The following ARID2 variants were observed in gnomAD, a reference collection of about 807,000 sequenced individuals.
ARID2 encodes AT-rich interaction domain 2.
In ARID2, 32 loss-of-function variants were observed where a neutral mutation model predicts 184.6. That is an observed-to-expected ratio of 0.17 (90% CI 0.13 to 0.23). The LOEUF (loss-of-function observed/expected upper bound fraction) is 0.23. ARID2 is among the 10% of genes least tolerant of loss of function. The pLI is 1.00. For synonymous variants in ARID2, 836 were observed against 772.6 expected (o/e 1.08, Z -1.36); for missense variants, 1,696 against 2,197.6 (o/e 0.77, Z 4.56).
At position 45,836,588 on chromosome 12, in the gene ARID2, G is replaced by A; in HGVS notation, c.706-1G>A. 6.2e-7 allele frequency: 1 copy of A among 1,606,570 alleles called. No homozygotes were observed. The highest frequency in any genetic ancestry group is 8.5e-7 in the Non-Finnish European group (1 of 1,177,024). On this transcript the variant is annotated splice_acceptor_variant, in intron 6 of 20. Coordinates refer to ENST00000334344, the MANE Select transcript of ARID2 (RefSeq NM_152641.4). LOFTEE classifies it high-confidence loss of function. ...GAGAATTAAATAATTTATCATTACA[G>A]TTTTGGAAAGACATCGTTGATGATA...
At chr12:45,771,085 AG>A (rs1941866476) in intron 3 of ARID2, among the ~76,000 whole-genome samples, 1 of 152,216 alleles carries the variant, frequency 6.6e-6, no homozygotes, top group African/African-American at 2.4e-5. Context: ...AAGCACCACC[AG>A]CGAAGGTAAT....
At chr12:45,757,694 C>G (rs186633327) in intron 3 of ARID2, among the ~76,000 whole-genome samples, 1 of 152,036 alleles carries the variant, frequency 6.6e-6, no homozygotes, top group Non-Finnish European at 1.5e-5. Flanking sequence ...TGAGAGGAGT[C>G]GTTTAAAAAA....
At chr12:45,891,671 T>C in intron 16 of ARID2, 109 bp from the exon 17 acceptor site, 1 of 1,201,206 alleles carries the variant, frequency 8.3e-7, no homozygotes, top group Non-Finnish European at 1.2e-6. Flanking sequence ...ACCAAAAGTG[T>C]TCAGTACAAC....
At chr12:45,832,028 A>G (rs185063059) in intron 6 of ARID2, among the ~76,000 whole-genome samples, 68 of 152,222 alleles carry the variant, frequency 4.5e-4, no homozygotes, top group African/African-American at 1.6e-3. Context: ...TCCTCCCCAC[A>G]GTCTGCCTTT....
rs200988904 is a variant in ARID2 at position 45,905,952 on chromosome 12, C to CT, written c.*885dup. The CT allele has an allele frequency of 0.034, 5,080 of 147,274 alleles. 62 individuals carry two copies. Among genetic ancestry groups the CT allele is most frequent in the African/African-American group, 0.075 (2,218 of 29,540 alleles). 9.1% of individuals were successfully genotyped at this position (147,274 alleles called of 1,614,324 possible). On this transcript the variant is annotated 3_prime_UTR_variant, in exon 21 of 21. Coordinates refer to ENST00000334344, the MANE Select transcript of ARID2 (RefSeq NM_152641.4). Reference sequence around the variant, plus strand: ...TTTTTTCTTTTTTCTTTTTTTTTTTCTTTTTTTTTTTGTATTATACACCTT... The same window carrying CT: ...TTTTTTCTTTTTTCTTTTTTTTTTTCTTTTTTTTTTTTGTATTATACACCTT...
At position 45,905,976 on chromosome 12, in the gene ARID2, T is replaced by G; in HGVS notation, c.*898T>G. ...TCTTTTTTTTTTTGTATTATACACC[T>G]TGTAGAACTCATTTTGCTGGCTGAA... On this transcript the variant is annotated 3_prime_UTR_variant, in exon 21 of 21. Coordinates refer to ENST00000334344, the MANE Select transcript of ARID2 (RefSeq NM_152641.4). The G allele has an allele frequency of 1.7e-5, 4 of 230,234 alleles. No homozygotes were observed. The highest frequency in any genetic ancestry group is 2.6e-5 in the Non-Finnish European group (3 of 117,094). The allele number at this position is 230,234 out of a possible 1,614,324, so 14.3% of individuals were successfully genotyped here.
chr12:45,758,433 T>C (rs933646004), intron 3 of ARID2, among the ~76,000 whole-genome samples: 3 of 151,994 alleles, frequency 2.0e-5, no homozygotes, highest in African/African-American at 7.3e-5. Context: ...GTGTTAGTTT[T>C]ATGTGTCGCC....
chr12:45,775,505 CT>C (rs1454160164), intron 3 of ARID2, among the ~76,000 whole-genome samples: 1 of 152,092 alleles, frequency 6.6e-6, no homozygotes, highest in African/African-American at 2.4e-5. Context: ...TTTCTGGATT[CT>C]TTTTTGAAAA....
chr12:45,784,375 T>A (rs75937972), intron 3 of ARID2, among the ~76,000 whole-genome samples: 2,764 of 152,128 alleles, frequency 0.018, 227 homozygotes, highest in Admixed American at 0.14. Context: ...GCAATTCCAA[T>A]TAAAATTAAT....
intron 3 of ARID2, among the ~76,000 whole-genome samples, chr12:45,772,775 G>C (rs962118151): frequency 6.6e-6 from 1 of 152,054 alleles, no homozygotes; most frequent in Non-Finnish European, 1.5e-5. Context: ...ACTGATAAAG[G>C]GAGAAAGAGG....
intron 3 of ARID2, among the ~76,000 whole-genome samples, chr12:45,742,218 G>A (rs1254246780): frequency 6.6e-6 from 1 of 152,098 alleles, no homozygotes; most frequent in Non-Finnish European, 1.5e-5. Context: ...GGTAAATGAT[G>A]GACTGCATAT....
intron 10 of ARID2, among the ~76,000 whole-genome samples, chr12:45,837,932 TA>T: frequency 6.6e-6 from 1 of 152,358 alleles, no homozygotes; most frequent in East Asian, 1.9e-4. Flanking sequence ...TTGTCTTGTT[TA>T]TTTTTTATTT....
rs1424796520 is a variant in ARID2, at chr12:45,795,711, T to C, written c.285-15707T>C. 9.2e-5 allele frequency among the ~76,000 whole-genome samples: 14 copies of C among 152,216 alleles called. No individual in the cohort carries two copies. In the South Asian group the frequency reaches 1.7e-3, roughly 18 times the overall value. On this transcript the variant is annotated intron_variant, in intron 3 of 20. Transcript: ENST00000334344. ...TTGGCCTCCCAAAGTGCTGGGATTA[T>C]AGGCGTGAGCCCCCGCGCCTGGCCT... is the stretch of plus-strand genomic sequence containing the variant.
At chr12:45,796,326 C>T (rs899298016) in intron 3 of ARID2, among the ~76,000 whole-genome samples, 1 of 151,862 alleles carries the variant, frequency 6.6e-6, no homozygotes, top group African/African-American at 2.4e-5. Context: ...TTTTTACGGG[C>T]CACATGGACT....
intron 3 of ARID2, among the ~76,000 whole-genome samples, chr12:45,771,148 T>C (rs1225969814): frequency 6.6e-6 from 1 of 152,252 alleles, no homozygotes; most frequent in Admixed American, 6.5e-5. Context: ...CATTTCTTAA[T>C]TGATTTAAAA....
chr12:45,793,037 G>A (rs182481368), intron 3 of ARID2, among the ~76,000 whole-genome samples: 199 of 152,136 alleles, frequency 1.3e-3, no homozygotes, highest in Admixed American at 3.9e-3. Context: ...AGTGGCTCAC[G>A]CCTGTAATCC....
intron 3 of ARID2, among the ~76,000 whole-genome samples, chr12:45,778,961 A>G (rs911045165): frequency 3.3e-5 from 5 of 152,058 alleles, no homozygotes; most frequent in African/African-American, 1.2e-4. Context: ...TAAAATTGGC[A>G]TCACTCATAT....
intron 3 of ARID2, among the ~76,000 whole-genome samples, chr12:45,732,865 T>A (rs905564982): frequency 2.0e-5 from 3 of 152,200 alleles, no homozygotes; most frequent in African/African-American, 7.2e-5. Context: ...ACTAATAGTT[T>A]TAGCATAATC....
intron 3 of ARID2, among the ~76,000 whole-genome samples, chr12:45,767,540 A>G (rs968652118): frequency 5.9e-5 from 9 of 152,202 alleles, no homozygotes; most frequent in African/African-American, 2.2e-4. Flanking sequence ...AAATAGCAAC[A>G]AACTTAAGCT....
Sources: allele counts gnomAD v4.1 joint callset (sites outside exome capture counted in the v4.1 genomes callset), GRCh38; gene constraint gnomAD v4.1.1; transcripts MANE v1.5; gene names NCBI Gene and HGNC (gene_info 2026-07-23, HGNC 2026-07-21).